Variants in RGS10 observed in about 807,000 individuals in gnomAD.
RGS10 encodes regulator of G protein signaling 10, also known as regulator of G-protein signalling 10.
RGS10 carries 11 observed loss-of-function variants against 23.5 expected under a neutral mutation model. The ratio of observed to expected loss-of-function variants is 0.47; its 90% CI spans 0.29 to 0.77. The LOEUF is 0.77. RGS10 is among the 30% of genes least tolerant of loss of function. The probability of loss-of-function intolerance (pLI) is 0.08; values close to 1 mark genes in which losing one functional copy is unlikely to be tolerated. For synonymous variants in RGS10, 77 were observed against 83.2 expected (o/e 0.92, Z 0.41); for missense variants, 180 against 226.3 (o/e 0.80, Z 1.31).
At chr10:119,513,207 C>T (rs1400501403) in intron 4 of RGS10, among the ~76,000 whole-genome samples, 1 of 152,114 alleles carries the variant, frequency 6.6e-6, no homozygotes, top group Non-Finnish European at 1.5e-5. Flanking sequence ...CCTGTAATCC[C>T]AACACTTTGG....
Position 119,517,150 on chromosome 10 carries a change from C to T in RGS10, c.256-1498G>A, listed in dbSNP as rs902492222. ...CACCAGAAGGTTTTGATAGCTGGGGCATGAAAGGAAGGAAGGGTAGCCCTT... is the reference window on the plus strand; with the variant it reads ...CACCAGAAGGTTTTGATAGCTGGGGTATGAAAGGAAGGAAGGGTAGCCCTT... On this transcript the variant is annotated intron_variant, in intron 3 of 4. Transcript: ENST00000369103. The surrounding 1 kb of genome is among the most constrained non-coding windows in gnomAD (Gnocchi z 5.0). Among the ~76,000 whole-genome samples the T allele has an allele frequency of 1.3e-5, 2 of 152,208 alleles. No homozygotes were observed. The highest frequency in any genetic ancestry group is 2.9e-5 in the Non-Finnish European group (2 of 68,042).
rs72840707 is a variant in RGS10, at chr10:119,520,671, T to C, written c.256-5019A>G. Reference sequence around the variant, plus strand: ...AGCAAAATTCTCCTGACACAGTTAATTAGAAATATGTTTAGTTCAGGAACA... The same window carrying C: ...AGCAAAATTCTCCTGACACAGTTAACTAGAAATATGTTTAGTTCAGGAACA... On this transcript the variant is annotated intron_variant, in intron 3 of 4. Transcript: ENST00000369103. Among the ~76,000 whole-genome samples the C allele has an allele frequency of 9.7e-3, 1,476 of 152,096 alleles. 6 individuals are homozygous for C. Among genetic ancestry groups the C allele is most frequent in the Non-Finnish European group, 0.017 (1,171 of 67,990 alleles).
rs11317053 is a variant in RGS10, at chr10:119,505,322, CTTTTTTTTTTTTT to C, written c.400-5076_400-5064del. Among the ~76,000 whole-genome samples, 15 of 90,068 alleles carry C rather than the reference CTTTTTTTTTTTTT, an allele frequency of 1.7e-4. No homozygotes were observed. In the East Asian group the frequency reaches 5.2e-3, roughly 31 times the overall value. The allele number at this position is 90,068 out of a possible 152,430, so 59.1% of individuals were successfully genotyped here. A position where few individuals can be genotyped will look rare whatever the true frequency, so the allele number is the denominator to read the frequency against. The stretch of plus-strand genomic sequence containing the variant: ...TTGGCGGCTGAGCTGCATTCTGCAT[CTTTTTTTTTTTTT>C]TTTTTTTTTTTTGGCCAAGACAGCT... On this transcript the variant is annotated intron_variant, in intron 4 of 4. Transcript: ENST00000369103.
At chr10:119,507,748 C>T (rs1172151537) in intron 4 of RGS10, among the ~76,000 whole-genome samples, 1 of 151,994 alleles carries the variant, frequency 6.6e-6, no homozygotes, top group Non-Finnish European at 1.5e-5. Context: ...CCATGTCCGG[C>T]TACTTTTTGT....
intron 3 of RGS10, among the ~76,000 whole-genome samples, chr10:119,522,764 C>T (rs529229024): frequency 6.0e-4 from 91 of 152,012 alleles, no homozygotes; most frequent in Non-Finnish European, 1.2e-3. Flanking sequence ...CGACTTCTCC[C>T]AGTGCCTATG....
rs1712860362 is a variant in RGS10, at chr10:119,524,998, G to A, written c.255+1034C>T. Among the ~76,000 whole-genome samples the A allele has an allele frequency of 6.6e-6, 1 of 151,984 alleles. No individual in the cohort carries two copies. Among genetic ancestry groups the A allele is most frequent in the African/African-American group, 2.4e-5 (1 of 41,272 alleles). Reference sequence around the variant, plus strand: ...ATAGATTCCAGCTTTTGGAGACGAGGCCTCAAAAACTGGCAACGCGCAAGC... The same window carrying A: ...ATAGATTCCAGCTTTTGGAGACGAGACCTCAAAAACTGGCAACGCGCAAGC... On this transcript the variant is annotated intron_variant, in intron 3 of 4. Coordinates refer to ENST00000369103, the MANE Select transcript of RGS10 (RefSeq NM_001005339.2). This position sits in a 1 kb window ranked among gnomAD's most constrained non-coding sequence, Gnocchi z 5.2.
intron 4 of RGS10, 175 bp downstream of exon 4, chr10:119,515,334 G>A: frequency 1.4e-6 from 1 of 713,900 alleles, no homozygotes; most frequent in Non-Finnish European, 2.3e-6. Flanking sequence ...CAAATCTCAA[G>A]CTTAGAATTC....
intron 4 of RGS10, among the ~76,000 whole-genome samples, chr10:119,511,290 G>A (rs1844073818): frequency 6.6e-6 from 1 of 152,118 alleles, no homozygotes; most frequent in African/African-American, 2.4e-5. Flanking sequence ...AATTTCCCAG[G>A]TAGCAAAGCT....
chr10:119,508,091 G>C (rs772813353), intron 4 of RGS10, among the ~76,000 whole-genome samples: 1 of 152,048 alleles, frequency 6.6e-6, no homozygotes, highest in Non-Finnish European at 1.5e-5. Context: ...TCCACCTCCC[G>C]GGTTCAAGCG....
In RGS10 at chr10:119,538,249, G is replaced by T. The variant is rs999966192; in HGVS notation, c.49+4341C>A. Among the ~76,000 whole-genome samples, 1 of 152,194 alleles carries T rather than the reference G, an allele frequency of 6.6e-6. No individual in the cohort carries two copies. Among genetic ancestry groups the T allele is most frequent in the Non-Finnish European group, 1.5e-5 (1 of 68,040 alleles). On this transcript the variant is annotated intron_variant, in intron 1 of 4. Coordinates refer to ENST00000369103, the MANE Select transcript of RGS10 (RefSeq NM_001005339.2). The surrounding 1 kb of genome is among the most constrained non-coding windows in gnomAD (Gnocchi z 4.5). ...ATATATTTTAGCAAAGTCGCTAAAT[G>T]GTTGTTGTGTTTAGGTGGCCGTGGA...
At position 119,512,117 on chromosome 10, in the gene RGS10, A is replaced by G. The variant is rs555973945; in HGVS notation, c.399+3392T>C. ...CTGCCCTACTAGAAGCTCAGAGAGC[A>G]GCGGAGCCGCACGTGGTGATGAGGG... On this transcript the variant is annotated intron_variant, in intron 4 of 4. Transcript: ENST00000369103. Among the ~76,000 whole-genome samples, 8 of 152,294 alleles carry G rather than the reference A, an allele frequency of 5.3e-5. No individual in the cohort carries two copies. The South Asian group carries it at 1.7e-3, about 32-fold the overall frequency.
In RGS10 at chr10:119,517,936, C is replaced by T. The variant is rs1330541575; in HGVS notation, c.256-2284G>A. 6.6e-6 allele frequency among the ~76,000 whole-genome samples: 1 copy of T among 152,068 alleles called. No individual in the cohort carries two copies. The highest frequency in any genetic ancestry group is 2.4e-5 in the African/African-American group (1 of 41,386). On this transcript the variant is annotated intron_variant, in intron 3 of 4. Transcript: ENST00000369103. The surrounding 1 kb of genome is among the most constrained non-coding windows in gnomAD (Gnocchi z 5.0). ...GTTCAAGGCCCTGGCTGACCAGATG[C>T]CCACTGTGAGCAGCTGCAGGGCTCA...
intron 4 of RGS10, among the ~76,000 whole-genome samples, chr10:119,510,751 C>G (rs968676300): frequency 2.0e-5 from 3 of 152,192 alleles, no homozygotes; most frequent in African/African-American, 7.2e-5. Context: ...TGGAGTCTCG[C>G]TCTGTTACCC....
At chr10:119,509,616 A>G (rs763573757) in intron 4 of RGS10, among the ~76,000 whole-genome samples, 42 of 152,020 alleles carry the variant, frequency 2.8e-4, no homozygotes, top group Non-Finnish European at 5.1e-4. Flanking sequence ...AATAAAGTCA[A>G]AGAAGTTGGG....
At chr10:119,512,250 G>T (rs911643666) in intron 4 of RGS10, among the ~76,000 whole-genome samples, 2 of 152,182 alleles carry the variant, frequency 1.3e-5, no homozygotes, top group African/African-American at 4.8e-5. Flanking sequence ...AGAGGCTTTT[G>T]AAAGTTCCGT....
chr10:119,515,719 C>A, intron 3 of RGS10, 67 bp from the exon 4 acceptor site: 1 of 1,583,868 alleles, frequency 6.3e-7, no homozygotes, highest in Non-Finnish European at 8.6e-7. Flanking sequence ...GCCCTGCTCT[C>A]CCCTCCAGCC....
chr10:119,523,243 C>A (rs1057059429), intron 3 of RGS10, among the ~76,000 whole-genome samples: 1 of 152,158 alleles, frequency 6.6e-6, no homozygotes, highest in African/African-American at 2.4e-5. Context: ...CACTCCAGGC[C>A]AAACACCCCA....
chr10:119,517,218 C>T lies in RGS10; in HGVS notation c.256-1566G>A, dbSNP rs1411259502. 6.6e-6 allele frequency among the ~76,000 whole-genome samples: 1 copy of T among 152,240 alleles called. No individual in the cohort carries two copies. Among genetic ancestry groups the T allele is most frequent in the Non-Finnish European group, 1.5e-5 (1 of 68,034 alleles). ...GGGGACAAAAGATCCTGAGAAGCCA[C>T]GGCCTGGCCATGTCCTGTTCTGCGA... On this transcript the variant is annotated intron_variant, in intron 3 of 4. Transcript: ENST00000369103. This position sits in a 1 kb window ranked among gnomAD's most constrained non-coding sequence, Gnocchi z 5.0.
At chr10:119,540,440 C>T (rs908269046) in intron 1 of RGS10, among the ~76,000 whole-genome samples, 20 of 152,022 alleles carry the variant, frequency 1.3e-4, no homozygotes, top group African/African-American at 4.3e-4. Flanking sequence ...TTTGTAGAGA[C>T]GGGGTTTTGC....
Sources: allele counts gnomAD v4.1 joint callset (sites outside exome capture counted in the v4.1 genomes callset), GRCh38; gene constraint gnomAD v4.1.1; non-coding constraint Gnocchi (gnomAD v3.1); transcripts MANE v1.5; gene names NCBI Gene and HGNC (gene_info 2026-07-23, HGNC 2026-07-21).